Variants in HSPG2 observed in about 807,000 individuals in gnomAD.
HSPG2 encodes the protein basement membrane-specific heparan sulfate proteoglycan core protein.
A neutral mutation model predicts 526.6 loss-of-function variants in HSPG2; 278 were observed. The ratio of observed to expected loss-of-function variants is 0.53; its 90% confidence interval spans 0.48 to 0.58. HSPG2 has a LOEUF of 0.58. Ranked by LOEUF, HSPG2 falls within the 20% of genes least tolerant of loss-of-function variation. HSPG2 has a pLI of 0.00. For missense variants in HSPG2, 5,354 were observed against 6,099.5 expected, an observed-to-expected ratio of 0.88 and a Z score of 4.07; for synonymous variants, 2,465 against 2,555.4, an observed-to-expected ratio of 0.96 and a Z score of 1.07.
rs1641786498 is a variant in HSPG2, at chr1:21,885,106, C to T, written c.1262G>A (p.Gly421Asp). The T allele has an allele frequency of 4.3e-6, 7 of 1,613,040 alleles. No homozygotes were observed. Among genetic ancestry groups the T allele is most frequent in the Non-Finnish European group, 5.9e-6 (7 of 1,179,652 alleles). ...CACGCAGGTGAAGGTCACTGTCTGG[C>T]CCCGGGAAGCCTGGATGGACTCCCG... ...PPRESIQASR[G>D]QTVTFTCVAI... The change falls in exon 11 of 97, where the codon GGC becomes GAC. Residue 421 changes from glycine to aspartate, a missense_variant. Transcript: ENST00000374695.
Position 21,855,773 on chromosome 1 carries a change from C to T in HSPG2, c.5701+14G>A, listed in dbSNP as rs376458732. 6 of 1,612,542 alleles carry T rather than the reference C, an allele frequency of 3.7e-6. No homozygotes were observed. In the African/African-American group the frequency reaches 8.0e-5, roughly 22 times the overall value. The stretch of plus-strand genomic sequence containing the variant: ...AGAGTCAGGCCTTGAATGTCATTCC[C>T]ATCACGGCCTCACCTGTCCACTCGA... On this transcript the variant is annotated intron_variant, in intron 45 of 96. Transcript: ENST00000374695.
intron 1 of HSPG2, among the ~76,000 whole-genome samples, chr1:21,931,258 C>G (rs1039288163): frequency 6.6e-6 from 1 of 152,236 alleles, no homozygotes. Flanking sequence ...CTGACGCCAC[C>G]AGGCTGGGCA....
At position 21,865,710 on chromosome 1, in the gene HSPG2, T is replaced by C; in HGVS notation, c.4314+7A>G. 6.2e-7 allele frequency: 1 copy of C among 1,606,160 alleles called. No homozygotes were observed. Among genetic ancestry groups the C allele is most frequent in the Non-Finnish European group, 8.5e-7 (1 of 1,175,430 alleles). ...CTGCCCACCCAGCATGGTGTCCAAATGCTCACCGTGATCTGCACATCGGGG... is the reference window on the plus strand; with the variant it reads ...CTGCCCACCCAGCATGGTGTCCAAACGCTCACCGTGATCTGCACATCGGGG... On this transcript the variant is annotated splice_region_variant and intron_variant, in intron 34 of 96. Transcript: ENST00000374695. This position sits in a 1 kb window ranked among gnomAD's most constrained non-coding sequence, Gnocchi z 5.4.
chr1:21,827,796 A>C, intron 91 of HSPG2, 67 bp downstream of exon 91: 1 of 1,485,406 alleles, frequency 6.7e-7, no homozygotes, highest in African/African-American at 1.4e-5. Context: ...GCCAGAATTG[A>C]GGGTGTGGGG....
At position 21,865,454 on chromosome 1, in the gene HSPG2, C is replaced by A; in HGVS notation, c.4315-89G>T. 2 of 1,247,222 alleles carry A rather than the reference C, an allele frequency of 1.6e-6. No homozygotes were observed. Among genetic ancestry groups the A allele is most frequent in the South Asian group, 1.2e-5 (1 of 83,190 alleles). 77.3% of individuals were successfully genotyped at this position (1,247,222 alleles called of 1,614,324 possible). On this transcript the variant is annotated intron_variant, in intron 34 of 96. Transcript: ENST00000374695. This position sits in a 1 kb window ranked among gnomAD's most constrained non-coding sequence, Gnocchi z 5.4. ...CCACCAGTCCTAGATTCTCTGTAAC[C>A]CCCAGCCTCCCACCTCTCTGCTCTC...
At position 21,851,894 on chromosome 1, in the gene HSPG2, G is replaced by A. The variant is rs1261125734; in HGVS notation, c.6903C>T (p.Ala2301=). 2.5e-6 allele frequency: 4 copies of A among 1,610,950 alleles called. No individual in the cohort carries two copies. Among genetic ancestry groups the A allele is most frequent in the Admixed American group, 3.4e-5 (2 of 59,492 alleles). Residue 2301 remains alanine, a synonymous_variant, in exon 54 of 97, where the codon GCC becomes GCT. Transcript: ENST00000374695. ...VRGSRLYIFQ[A]SPADAGQYVC... is the part of the protein sequence containing the mutation. ...CGTACTGTCCCGCATCGGCAGGTGAGGCCTGGAAGATGTACAGGCGGGAGC... is the reference window on the plus strand; with the variant it reads ...CGTACTGTCCCGCATCGGCAGGTGAAGCCTGGAAGATGTACAGGCGGGAGC...
Position 21,844,178 on chromosome 1 carries a change from C to A in HSPG2, c.8586G>T (p.Lys2862Asn), listed in dbSNP as rs886044552. 6.2e-7 allele frequency: 1 copy of A among 1,613,664 alleles called. No individual in the cohort carries two copies. Residue 2862 changes from lysine to asparagine, a missense_variant, in exon 65 of 97, where the codon AAG becomes AAT. Transcript: ENST00000374695. ...GQAHAQVTWH[K>N]RGGNLPARHQ... Reference sequence around the variant, plus strand: ...GCCGGGCAGGGAGGTTTCCTCCACGCTTGTGCCACGTGACCTGGGCGTGGG... The same window carrying A: ...GCCGGGCAGGGAGGTTTCCTCCACGATTGTGCCACGTGACCTGGGCGTGGG...
chr1:21,853,026 G>T lies in HSPG2; in HGVS notation c.6484C>A (p.His2162Asn). The T allele has an allele frequency of 1.2e-6, 2 of 1,613,934 alleles. No individual in the cohort carries two copies. Among genetic ancestry groups the T allele is most frequent in the Non-Finnish European group, 1.7e-6 (2 of 1,179,954 alleles). ...RPIRIEPSSS[H>N]VAEGQTLDLN... ...TCCAGGGTCTGCCCTTCCGCCACGTGTGAGGAGGAGGGCTCGATGCGGATG... is the reference window on the plus strand; with the variant it reads ...TCCAGGGTCTGCCCTTCCGCCACGTTTGAGGAGGAGGGCTCGATGCGGATG... The change falls in exon 51 of 97, where the codon CAC becomes AAC. Residue 2162 changes from histidine (H) to asparagine (N), a missense_variant. His to Asn is a moderately conservative substitution (Grantham distance 68). Coordinates refer to ENST00000374695, the MANE Select transcript of HSPG2 (RefSeq NM_005529.7).
intron 1 of HSPG2, among the ~76,000 whole-genome samples, chr1:21,901,497 A>C (rs561448027): frequency 6.6e-6 from 1 of 152,034 alleles, no homozygotes; most frequent in East Asian, 1.9e-4. Context: ...TGGGCAATAG[A>C]ATTGGGTCCT....
Position 21,854,241 on chromosome 1 carries a change from T to C in HSPG2, c.6391A>G (p.Thr2131Ala), listed in dbSNP as rs536611967. ...NGSGPKEASI[T>A]VSVLHGTHSG... ...TGGGTGCCGTGGAGCACAGACACAG[T>C]AATGGAGGCCTCCTTGGGGCCCGAT... is the stretch of plus-strand genomic sequence containing the variant. The change falls in exon 50 of 97, where the codon ACT becomes GCT. Residue 2131 changes from threonine to alanine, a missense_variant. Thr to Ala is a moderately conservative substitution (Grantham distance 58). Transcript: ENST00000374695. The C allele has an allele frequency of 1.1e-5, 18 of 1,596,662 alleles. No homozygotes were observed. The South Asian group carries it at 1.9e-4, about 17-fold the overall frequency.
chr1:21,876,452 G>A lies in HSPG2; in HGVS notation c.2827-47C>T, dbSNP rs113414209. ...GGGATGGGGGCCGTGGCCTGGGACT[G>A]GCGCTTGGTCCATCCGGCCCAGGGC... is the stretch of plus-strand genomic sequence containing the variant. On this transcript the variant is annotated intron_variant, in intron 22 of 96. Coordinates refer to ENST00000374695, the MANE Select transcript of HSPG2 (RefSeq NM_005529.7). 112 of 1,612,252 alleles carry A rather than the reference G, an allele frequency of 6.9e-5. No homozygotes were observed. The African/African-American group carries it at 1.3e-3, about 19-fold the overall frequency.
At chr1:21,879,784 C>G (rs1284591799) in intron 17 of HSPG2, among the ~76,000 whole-genome samples, 1 of 152,178 alleles carries the variant, frequency 6.6e-6, no homozygotes, top group African/African-American at 2.4e-5. Context: ...TCCTGAGTAG[C>G]TGGGATTACA....
chr1:21,852,455 G>C (rs567932542), intron 52 of HSPG2, among the ~76,000 whole-genome samples: 1 of 152,370 alleles, frequency 6.6e-6, no homozygotes, highest in East Asian at 1.9e-4. Context: ...AGAGAGATGA[G>C]GGCAGAGATG....
intron 85 of HSPG2, 155 bp downstream of exon 85, chr1:21,830,827 A>G: frequency 1.6e-6 from 1 of 632,838 alleles, no homozygotes; most frequent in South Asian, 1.8e-5. Context: ...GGTAGCAGAG[A>G]TGGGGGATGG....
intron 1 of HSPG2, among the ~76,000 whole-genome samples, chr1:21,906,602 T>C (rs1051044595): frequency 2.0e-5 from 3 of 151,808 alleles, no homozygotes; most frequent in Admixed American, 6.6e-5. Flanking sequence ...TGTCCTTTCC[T>C]GGACACAGAA....
At chr1:21,929,002 C>T (rs985943784) in intron 1 of HSPG2, among the ~76,000 whole-genome samples, 1 of 147,128 alleles carries the variant, frequency 6.8e-6, no homozygotes, top group Non-Finnish European at 1.5e-5. Context: ...TCAGGTGATC[C>T]GCCCGCCTTG....
At chr1:21,903,664 T>C (rs185966224) in intron 1 of HSPG2, among the ~76,000 whole-genome samples, 1 of 152,312 alleles carries the variant, frequency 6.6e-6, no homozygotes, top group African/African-American at 2.4e-5. Context: ...GGTCCCCGCT[T>C]TGCCTCCTTC....
In HSPG2 at chr1:21,859,284, T is replaced by C. The variant is rs1388002041; in HGVS notation, c.5293+282A>G. On this transcript the variant is annotated intron_variant, in intron 42 of 96. Transcript: ENST00000374695. This position sits in a 1 kb window ranked among gnomAD's most constrained non-coding sequence, Gnocchi z 5.3. ...GGCTGGTCTCGAACTCCTGACCTCA[T>C]GATCTGCCCACCTTGGCCTCCCAAA... Among the ~76,000 whole-genome samples the C allele has an allele frequency of 2.0e-5, 3 of 152,124 alleles. No homozygotes were observed. Among genetic ancestry groups the C allele is most frequent in the African/African-American group, 7.2e-5 (3 of 41,424 alleles).
At chr1:21,879,664 T>G (rs1473130370) in intron 17 of HSPG2, among the ~76,000 whole-genome samples, 1 of 150,638 alleles carries the variant, frequency 6.6e-6, no homozygotes, top group African/African-American at 2.4e-5. Context: ...GGTTGTTTTT[T>G]TTTTCTGAGA....
Sources: gnomAD v4.1 joint callset for allele counts (sites outside exome capture counted in the v4.1 genomes callset) on GRCh38, gnomAD v4.1.1 for gene constraint, Gnocchi (gnomAD v3.1) non-coding constraint, MANE v1.5 for transcripts, NCBI Gene and HGNC (gene_info 2026-07-23, HGNC 2026-07-21) for gene names.